MIER3: variants seen among roughly 807,000 people sequenced by gnomAD.
MIER3 encodes MIER family member 3.
A neutral mutation model predicts 63.2 loss-of-function variants in MIER3; 9 were observed. That is an observed-to-expected ratio of 0.14 (90% CI 0.09 to 0.25). The LOEUF (loss-of-function observed/expected upper bound fraction) is 0.25. MIER3 is among the 10% of genes least tolerant of loss of function. The pLI is 1.00. For missense variants in MIER3, 512 were observed against 666.2 expected (o/e 0.77, Z 2.55); for synonymous variants, 205 against 224.9 (o/e 0.91, Z 0.79).
chr5:56,930,221 T>C (rs1750211701), intron 9 of MIER3, among the ~76,000 whole-genome samples: 2 of 152,106 alleles, frequency 1.3e-5, no homozygotes, highest in African/African-American at 4.8e-5. Flanking sequence ...AACTATAAAA[T>C]GTTATTACAT....
In MIER3 at chr5:56,923,526, TATC is replaced by T. The variant is rs749813879; in HGVS notation, c.1252_1254del (p.Asp418del). Reference sequence around the variant, plus strand: ...GGTGTGTTGCCCAGTGGAGGAAAGCTATCATCCAAACAATTCACATCTGTGGGG... The same window carrying T: ...GGTGTGTTGCCCAGTGGAGGAAAGCTATCCAAACAATTCACATCTGTGGGG... On this transcript the variant is annotated inframe_deletion, in exon 13 of 13. Transcript: ENST00000381199. 1.3e-5 allele frequency: 21 copies of T among 1,614,178 alleles called. No homozygotes were observed. The East Asian group carries it at 4.7e-4, about 36-fold the overall frequency.
intron 4 of MIER3, chr5:56,938,184 G>C: frequency 2.2e-6 from 1 of 459,174 alleles, no homozygotes; most frequent in East Asian, 7.0e-5. Flanking sequence ...AGTCATCCTT[G>C]TGCCTAGCAC....
intron 9 of MIER3, among the ~76,000 whole-genome samples, chr5:56,930,268 G>A (rs983479178): frequency 6.6e-5 from 10 of 150,988 alleles, no homozygotes; most frequent in Admixed American, 1.3e-4. Context: ...TAAATTCAGC[G>A]GAATATATTA....
intron 1 of MIER3, among the ~76,000 whole-genome samples, 165 bp from the exon 2 acceptor site, chr5:56,950,817 C>A (rs1178002861): frequency 6.6e-6 from 1 of 150,870 alleles, no homozygotes; most frequent in Non-Finnish European, 1.5e-5. Flanking sequence ...CGGGCCCCCT[C>A]TTGGCTGCCT....
At chr5:56,941,966 G>A (rs1221616234) in intron 3 of MIER3, among the ~76,000 whole-genome samples, 1 of 152,146 alleles carries the variant, frequency 6.6e-6, no homozygotes. Flanking sequence ...TGCCTAGATG[G>A]TGGTAACTTC....
At position 56,944,475 on chromosome 5, in the gene MIER3, C is replaced by T. The variant is rs6896134; in HGVS notation, c.180+2451G>A. On this transcript the variant is annotated intron_variant, in intron 3 of 12. Transcript: ENST00000381199. ...CAGCCTGGGCGACAGAGCGAGACTCCGTCTCAAAAAAAAAAAAAGAAATCA... is the reference window on the plus strand; with the variant it reads ...CAGCCTGGGCGACAGAGCGAGACTCTGTCTCAAAAAAAAAAAAAGAAATCA... Among the ~76,000 whole-genome samples the T allele has an allele frequency of 6.0e-5, 9 of 150,600 alleles. No homozygotes were observed. The Middle Eastern group carries it at 0.01, about 172-fold the overall frequency.
chr5:56,947,464 T>C (rs534660515), intron 2 of MIER3, among the ~76,000 whole-genome samples: 39 of 152,284 alleles, frequency 2.6e-4, no homozygotes, highest in African/African-American at 9.1e-4. Context: ...GAATGGAAGA[T>C]TTCACAAGAA....
In MIER3 at chr5:56,928,806, CA is replaced by C; in HGVS notation, c.884del (p.Met295SerfsTer15). On this transcript the variant is annotated frameshift_variant, in exon 10 of 13. Transcript: ENST00000381199. LOFTEE classifies it high-confidence loss of function. ...TAAGATGAAAATCTTTTCCAAAAAG[CA>C]TGAGTGCATGTTCAAAGCTTCGGCA... ...EECRSFEHAL[M>X]LFGKDFHLIQ... The C allele has an allele frequency of 6.2e-7, 1 of 1,613,668 alleles. No individual in the cohort carries two copies. Among genetic ancestry groups the C allele is most frequent in the Non-Finnish European group, 8.5e-7 (1 of 1,179,780 alleles).
rs142631990 is a variant in MIER3 at position 56,941,065 on chromosome 5, T to C, written c.181-2048A>G. On this transcript the variant is annotated intron_variant, in intron 3 of 12. Transcript: ENST00000381199. ...TTCTAAGTGCTTGGCTGAGGGCTAC[T>C]AGCTACTTGCTACTGGACATACAAA... is the stretch of plus-strand genomic sequence containing the variant. The C allele has an allele frequency of 1.1e-3, 1,126 of 985,440 alleles. 1 individual carries two copies. Among genetic ancestry groups the C allele is most frequent in the Admixed American group, 2.6e-3 (43 of 16,278 alleles). 61.0% of individuals were successfully genotyped at this position (985,440 alleles called of 1,614,324 possible).
At chr5:56,930,610 T>C in intron 9 of MIER3, 54 bp downstream of exon 9, 1 of 1,451,122 alleles carries the variant, frequency 6.9e-7, no homozygotes, top group African/African-American at 1.4e-5. Flanking sequence ...CTTATTCTGA[T>C]CCCCAAATGA....
chr5:56,947,901 C>A (rs1158427327), intron 2 of MIER3, among the ~76,000 whole-genome samples: 1 of 152,126 alleles, frequency 6.6e-6, no homozygotes, highest in Non-Finnish European at 1.5e-5. Flanking sequence ...GAAGAAATGA[C>A]TAAAATCCAT....
chr5:56,947,111 G>C (rs755177925), intron 2 of MIER3, 40 bp from the exon 3 acceptor site: 8 of 1,560,088 alleles, frequency 5.1e-6, no homozygotes, highest in Non-Finnish European at 6.9e-6. Context: ...ACATTTACAA[G>C]GCTATTAACA....
At chr5:56,933,479 G>C (rs1412005959) in intron 7 of MIER3, 81 bp from the exon 8 acceptor site, 2 of 1,315,200 alleles carry the variant, frequency 1.5e-6, no homozygotes, top group Middle Eastern at 1.9e-4. Flanking sequence ...TGTCTTCCTT[G>C]ATTGGCTATC....
In MIER3 at chr5:56,937,663, G is replaced by A. The variant is rs35386984; in HGVS notation, c.351C>T (p.Asp117=). 0.048 allele frequency: 76,813 copies of A among 1,611,436 alleles called. 2,089 individuals carry two copies. Among genetic ancestry groups the A allele is most frequent in the Middle Eastern group, 0.059 (357 of 6,056 alleles). ...CATCCGCAGAAGACTGAGTTTCCTC[G>A]TCATCACCTGACAACAGGTCTTTTG... The part of the protein sequence containing the change: ...EIAKDLLSGD[D]EETQSSADDL... The change falls in exon 5 of 13, where the codon GAC becomes GAT. Residue 117 remains aspartate, a synonymous_variant. Transcript: ENST00000381199.
intron 6 of MIER3, 53 bp downstream of exon 6, chr5:56,935,613 T>C: frequency 2.6e-6 from 4 of 1,549,264 alleles, no homozygotes; most frequent in Non-Finnish European, 3.5e-6. Flanking sequence ...TCATAAATCA[T>C]TTCAGAAATA....
chr5:56,924,956 G>A (rs183119392), intron 10 of MIER3, among the ~76,000 whole-genome samples: 6 of 152,242 alleles, frequency 3.9e-5, no homozygotes, highest in South Asian at 2.1e-4. Flanking sequence ...ATAAGTCTTC[G>A]CAGAGAATGC....
chr5:56,942,627 T>C (rs1439651694), intron 3 of MIER3, among the ~76,000 whole-genome samples: 1 of 151,894 alleles, frequency 6.6e-6, no homozygotes, highest in Non-Finnish European at 1.5e-5. Context: ...GAGACGATAA[T>C]AGCCAAAACC....
At chr5:56,946,783 C>A (rs962497073) in intron 3 of MIER3, 143 bp downstream of exon 3, 89 of 622,084 alleles carry the variant, frequency 1.4e-4, no homozygotes, top group Non-Finnish European at 5.6e-5. Flanking sequence ...TAAATGAAAG[C>A]ATACTTATTA....
intron 3 of MIER3, among the ~76,000 whole-genome samples, chr5:56,943,625 T>C (rs1750726650): frequency 6.6e-6 from 1 of 152,194 alleles, no homozygotes; most frequent in African/African-American, 2.4e-5. Flanking sequence ...AAAACACACA[T>C]CATTTGCACC....
Sources: gnomAD v4.1 joint callset for allele counts (sites outside exome capture counted in the v4.1 genomes callset) on GRCh38, gnomAD v4.1.1 for gene constraint, MANE v1.5 for transcripts, NCBI Gene and HGNC (gene_info 2026-07-23, HGNC 2026-07-21) for gene names.